NCOA6: variants seen among roughly 807,000 people sequenced by gnomAD.
NCOA6 encodes nuclear receptor coactivator 6.
In NCOA6, 49 loss-of-function variants were observed where a neutral mutation model predicts 171.4. That is an observed-to-expected ratio of 0.29 (90% confidence interval 0.23 to 0.36). The LOEUF is 0.36. Among genes scored for constraint, NCOA6 ranks in the 10% least tolerant of loss-of-function variants. NCOA6 has a pLI of 1.00. For synonymous variants in NCOA6, 910 were observed against 927.5 expected, an observed-to-expected ratio of 0.98 and a Z score of 0.34; for missense variants, 2,248 against 2,554.5, an observed-to-expected ratio of 0.88 and a Z score of 2.59.
In NCOA6 at chr20:34,741,086, G is replaced by C. The variant is rs368564764; in HGVS notation, c.5170C>G (p.Pro1724Ala). 4.3e-6 allele frequency: 7 copies of C among 1,614,118 alleles called. No individual in the cohort carries two copies. The highest frequency in any genetic ancestry group is 1.7e-5 in the Admixed American group (1 of 60,012). The part of the protein sequence containing the change: ...PPNALSSSPA[P>A]NIQTGRPLVL... ...AAAGGTCGACCTGTCTGGATGTTTG[G>C]AGCAGGACTACTGGAGAGGGCATTA... The change falls in exon 11 of 15, where the codon CCA becomes GCA. Residue 1724 changes from proline (P) to alanine (A), a missense_variant. Pro to Ala is a conservative substitution (Grantham distance 27). This residue lies in a region of NCOA6 where 884 missense variants were observed against 941.9 expected (regional missense o/e 0.94). Coordinates refer to ENST00000359003, the MANE Select transcript of NCOA6 (RefSeq NM_014071.5).
chr20:34,716,540 C>T (rs1223421868), intron 14 of NCOA6, among the ~76,000 whole-genome samples: 1 of 152,124 alleles, frequency 6.6e-6, no homozygotes, highest in Non-Finnish European at 1.5e-5. Flanking sequence ...CACTTGAGCC[C>T]AGAAGTTTTG....
intron 8 of NCOA6, among the ~76,000 whole-genome samples, chr20:34,753,756 A>G (rs2076564127): frequency 6.6e-6 from 1 of 152,212 alleles, no homozygotes; most frequent in African/African-American, 2.4e-5. Context: ...AGCAGTTTGC[A>G]CTACCCTTCT....
chr20:34,760,628 T>C (rs2076787383), intron 5 of NCOA6, among the ~76,000 whole-genome samples: 1 of 152,220 alleles, frequency 6.6e-6, no homozygotes, highest in Admixed American at 6.5e-5. Context: ...GTCATACTAA[T>C]TGATTTACAG....
At chr20:34,745,772 C>T (rs1039820103) in intron 10 of NCOA6, among the ~76,000 whole-genome samples, 7 of 152,154 alleles carry the variant, frequency 4.6e-5, no homozygotes, top group African/African-American at 1.7e-4. Context: ...AATAAAGTTA[C>T]AAGTCATTGC....
chr20:34,732,767 T>C (rs45465702), intron 12 of NCOA6, 172 bp from the exon 13 acceptor site: 70,132 of 543,408 alleles, frequency 0.13, 5,878 homozygotes, highest in Non-Finnish European at 0.17. Context: ...ACTTGGTTTG[T>C]TTGGGACATA....
chr20:34,729,679 T>C (rs1990376443), intron 13 of NCOA6, among the ~76,000 whole-genome samples: 1 of 152,218 alleles, frequency 6.6e-6, no homozygotes. Flanking sequence ...TCTGGCATTC[T>C]AGAGCACCCA....
At position 34,740,597 on chromosome 20, in the gene NCOA6, G is replaced by C. The variant is rs1274931433; in HGVS notation, c.5659C>G (p.Leu1887Val). The change falls in exon 11 of 15, where the codon CTA (leucine) becomes GTA (valine). Residue 1887 changes from leucine (L) to valine (V), a missense_variant. By Grantham distance (32) the Leu-to-Val change is conservative. This residue lies in a region of NCOA6 where 884 missense variants were observed against 941.9 expected (regional missense o/e 0.94). Coordinates refer to ENST00000359003, the MANE Select transcript of NCOA6 (RefSeq NM_014071.5). ...KTPTPPAPTLLKMTSSPVGPG... is the reference protein window; with the variant it reads ...KTPTPPAPTLVKMTSSPVGPG... ...CCCACAGGGCTAGAGGTCATTTTTA[G>C]CAGAGTGGGTGCTGGGGGCGTTGGG... 1 of 1,614,162 alleles carries C rather than the reference G, an allele frequency of 6.2e-7. No homozygotes were observed. The highest frequency in any genetic ancestry group is 8.5e-7 in the Non-Finnish European group (1 of 1,180,036).
chr20:34,765,816 C>T (rs939751879), intron 5 of NCOA6, among the ~76,000 whole-genome samples: 2 of 152,082 alleles, frequency 1.3e-5, no homozygotes, highest in African/African-American at 2.4e-5. Flanking sequence ...TAAATGACTA[C>T]TATAGTATCC....
At chr20:34,733,766 C>A (rs554524214) in intron 12 of NCOA6, among the ~76,000 whole-genome samples, 1 of 142,232 alleles carries the variant, frequency 7.0e-6, no homozygotes, top group Non-Finnish European at 1.5e-5. Flanking sequence ...GCAGAGGAAT[C>A]CCTTGAACCC....
intron 9 of NCOA6, among the ~76,000 whole-genome samples, chr20:34,747,405 C>G (rs1171938368): frequency 6.6e-6 from 1 of 152,114 alleles, no homozygotes; most frequent in Non-Finnish European, 1.5e-5. Context: ...ATTCAGAGAA[C>G]AAAGAAAGAT....
chr20:34,768,393 G>A (rs771365159), intron 5 of NCOA6, 71 bp downstream of exon 5: 22 of 1,578,024 alleles, frequency 1.4e-5, no homozygotes, highest in Non-Finnish European at 1.9e-5. Flanking sequence ...CTATCTTGCA[G>A]GGCTCAAATG....
At position 34,718,112 on chromosome 20, in the gene NCOA6, A is replaced by C. The variant is rs979324804; in HGVS notation, c.6149-2747T>G. On this transcript the variant is annotated intron_variant, in intron 14 of 14. Transcript: ENST00000359003. ...GACTTGTGCTAGAAACTGCAAAAAAACCCACAAACACACCATTAAAAACCC... is the reference window on the plus strand; with the variant it reads ...GACTTGTGCTAGAAACTGCAAAAAACCCCACAAACACACCATTAAAAACCC... Among the ~76,000 whole-genome samples the C allele has an allele frequency of 3.3e-5, 5 of 152,312 alleles. No individual in the cohort carries two copies. The South Asian group carries it at 8.3e-4, about 25-fold the overall frequency.
At chr20:34,796,350 G>A (rs553869272) in intron 1 of NCOA6, among the ~76,000 whole-genome samples, 3 of 151,994 alleles carry the variant, frequency 2.0e-5, no homozygotes, top group African/African-American at 4.8e-5. Context: ...CAGGTATAGC[G>A]GCTCATGCTT....
intron 14 of NCOA6, among the ~76,000 whole-genome samples, chr20:34,716,050 C>T (rs1988535142): frequency 6.6e-6 from 1 of 152,032 alleles, no homozygotes; most frequent in Admixed American, 6.5e-5. Flanking sequence ...AACCCCATCT[C>T]TACTAAAAAT....
chr20:34,757,638 G>A lies in NCOA6; in HGVS notation c.1110C>T (p.Ser370=), dbSNP rs769132531. 6.2e-7 allele frequency: 1 copy of A among 1,614,004 alleles called. No homozygotes were observed. Among genetic ancestry groups the A allele is most frequent in the Non-Finnish European group, 8.5e-7 (1 of 1,179,902 alleles). ...RPSLATVQTP[S]HPPPPYPFGS... ...CAAAGGGATATGGAGGGGGAGGGTG[G>A]GAAGGCGTCTGTACCGTGGCTAAGG... Residue 370 remains serine (S), a synonymous_variant, in exon 7 of 15, where the codon TCC becomes TCT. Transcript: ENST00000359003.
intron 14 of NCOA6, 57 bp downstream of exon 14, chr20:34,727,188 CTTCTACTGCTGTGG>C (rs1489090788): frequency 8.5e-6 from 13 of 1,527,502 alleles, no homozygotes; most frequent in Non-Finnish European, 1.2e-5. Flanking sequence ...AGGACAAAGT[CTTCTACTGCTGTGG>C]TAAGAACTCT....
chr20:34,816,804 AAAAC>A (rs374889680), intron 1 of NCOA6, among the ~76,000 whole-genome samples: 135 of 151,272 alleles, frequency 8.9e-4, no homozygotes, highest in Admixed American at 3.3e-3. Context: ...GCTGTCTCCA[AAAAC>A]AAACAAACAA....
chr20:34,723,572 C>A (rs1318341752), intron 14 of NCOA6, among the ~76,000 whole-genome samples: 4 of 152,156 alleles, frequency 2.6e-5, no homozygotes, highest in Non-Finnish European at 5.9e-5. Flanking sequence ...GATCACAAAG[C>A]CTGAGAGTCA....
In NCOA6 at chr20:34,791,559, T is replaced by C. The variant is rs567586674; in HGVS notation, c.-50+891A>G. Among the ~76,000 whole-genome samples, 8 of 152,294 alleles carry C rather than the reference T, an allele frequency of 5.3e-5. No individual in the cohort carries two copies. The East Asian group carries it at 1.5e-3, about 29-fold the overall frequency. On this transcript the variant is annotated intron_variant, in intron 2 of 14. Coordinates refer to ENST00000359003, the MANE Select transcript of NCOA6 (RefSeq NM_014071.5). Reference sequence around the variant, plus strand: ...GGCAGAAATGACGGCCTTCTGCTCCTGGCACAAAGCTCTTAAGTCTCAGAA... The same window carrying C: ...GGCAGAAATGACGGCCTTCTGCTCCCGGCACAAAGCTCTTAAGTCTCAGAA...
Sources: allele counts gnomAD v4.1 joint callset (sites outside exome capture counted in the v4.1 genomes callset), GRCh38; gene constraint gnomAD v4.1.1; regional missense constraint gnomAD v4.1.1; transcripts MANE v1.5; gene names NCBI Gene and HGNC (gene_info 2026-07-23, HGNC 2026-07-21).